Variants in WDR59 observed in about 807,000 individuals in gnomAD.
WDR59 encodes the protein GATOR2 complex protein WDR59.
A neutral mutation model predicts 131.2 loss-of-function variants in WDR59; 100 were observed. That is an observed-to-expected ratio of 0.76 (90% CI 0.65 to 0.90). WDR59 has a LOEUF of 0.90. Ranked by LOEUF, WDR59 falls within the 40% of genes least tolerant of loss-of-function variation. WDR59 has a pLI of 0.00. For synonymous variants in WDR59, 601 were observed against 466.2 expected, an observed-to-expected ratio of 1.29 and a Z score of -3.72; for missense variants, 1,203 against 1,262.2, an observed-to-expected ratio of 0.95 and a Z score of 0.71.
chr16:74,911,394 T>A lies in WDR59; in HGVS notation c.1389+804A>T, dbSNP rs763289095. Among the ~76,000 whole-genome samples, 3 of 152,194 alleles carry A rather than the reference T, an allele frequency of 2.0e-5. No homozygotes were observed. The East Asian group carries it at 5.8e-4, about 29-fold the overall frequency. ...CCCCCAACAAGGTGGAACAATCAAG[T>A]GTCCACGACCCAAACTGGACAAAAA... On this transcript the variant is annotated intron_variant, in intron 14 of 25. Coordinates refer to ENST00000262144, the MANE Select transcript of WDR59 (RefSeq NM_030581.4).
At chr16:74,958,620 A>AAAAAAAAAAAAAAAAAC (rs1199806175) in intron 2 of WDR59, among the ~76,000 whole-genome samples, 1 of 141,048 alleles carries the variant, frequency 7.1e-6, no homozygotes, top group African/African-American at 2.6e-5. Flanking sequence ...AAAAAAAAAA[A>AAAAAAAAAAAAAAAAAC]CAAGCTAAAT....
At chr16:74,975,056 T>C (rs756275524) in intron 1 of WDR59, among the ~76,000 whole-genome samples, 1 of 152,186 alleles carries the variant, frequency 6.6e-6, no homozygotes, top group African/African-American at 2.4e-5. Flanking sequence ...ACTACTATCC[T>C]TGTTTTATGA....
chr16:74,969,461 C>A (rs184160084), intron 1 of WDR59, among the ~76,000 whole-genome samples: 17 of 152,006 alleles, frequency 1.1e-4, no homozygotes, highest in Admixed American at 3.3e-4. Context: ...TTAGTAGAGA[C>A]GGGGTTTCAC....
chr16:74,919,914 T>C (rs946168218), intron 10 of WDR59, among the ~76,000 whole-genome samples: 3 of 151,844 alleles, frequency 2.0e-5, no homozygotes, highest in Non-Finnish European at 4.4e-5. Flanking sequence ...TCTACAAAAA[T>C]ACAAAAAATT....
At chr16:74,960,228 G>A (rs1243182890) in intron 2 of WDR59, among the ~76,000 whole-genome samples, 1 of 151,986 alleles carries the variant, frequency 6.6e-6, no homozygotes, top group South Asian at 2.1e-4. Context: ...TTACTTGGGA[G>A]GCTGAGGCAG....
intron 2 of WDR59, among the ~76,000 whole-genome samples, chr16:74,957,082 T>C (rs1309652170): frequency 2.0e-5 from 1 of 49,556 alleles, no homozygotes; most frequent in Non-Finnish European, 4.1e-5. Context: ...TTTTTTTTTC[T>C]TTTTTTTTTT....
chr16:74,940,887 G>A (rs998263309), intron 7 of WDR59, among the ~76,000 whole-genome samples: 1 of 151,958 alleles, frequency 6.6e-6, no homozygotes, highest in Non-Finnish European at 1.5e-5. Context: ...TGTATTTTTA[G>A]TACAGACGGG....
intron 18 of WDR59, chr16:74,899,732 C>T (rs1185873761): frequency 3.1e-6 from 4 of 1,289,082 alleles, no homozygotes; most frequent in Non-Finnish European, 3.0e-6. Context: ...GGACCAACGC[C>T]GCCGGGCAGA....
At chr16:74,937,935 A>G (rs564513488) in intron 8 of WDR59, among the ~76,000 whole-genome samples, 120 of 152,348 alleles carry the variant, frequency 7.9e-4, no homozygotes, top group African/African-American at 2.6e-3. Flanking sequence ...TCATAACACA[A>G]TGTGGTTATG....
intron 6 of WDR59, among the ~76,000 whole-genome samples, chr16:74,946,073 C>T (rs1188524244): frequency 2.0e-5 from 3 of 152,114 alleles, no homozygotes; most frequent in African/African-American, 7.2e-5. Context: ...CTCAGCCTCC[C>T]AAAGTGCTGG....
chr16:74,937,860 G>A (rs559389860), intron 8 of WDR59, among the ~76,000 whole-genome samples: 3 of 152,270 alleles, frequency 2.0e-5, no homozygotes, highest in South Asian at 4.1e-4. Flanking sequence ...AGGGAAAGAC[G>A]AAAACCTTCT....
At chr16:74,940,806 A>C (rs1338353678) in intron 7 of WDR59, among the ~76,000 whole-genome samples, 2 of 151,992 alleles carry the variant, frequency 1.3e-5, no homozygotes, top group Non-Finnish European at 2.9e-5. Flanking sequence ...CCCGGGTTCA[A>C]GCGATTCTCC....
At chr16:74,942,370 T>C (rs2032300724) in intron 7 of WDR59, among the ~76,000 whole-genome samples, 1 of 152,150 alleles carries the variant, frequency 6.6e-6, no homozygotes, top group Non-Finnish European at 1.5e-5. Flanking sequence ...AGAAGCCTGC[T>C]GACAATTCTA....
intron 2 of WDR59, among the ~76,000 whole-genome samples, chr16:74,963,417 G>A (rs1567436288): frequency 2.0e-5 from 3 of 152,164 alleles, no homozygotes; most frequent in South Asian, 4.1e-4. Context: ...CTATAAAAAG[G>A]AAAGAGATCA....
At chr16:74,958,784 C>T (rs943395025) in intron 2 of WDR59, among the ~76,000 whole-genome samples, 1 of 151,698 alleles carries the variant, frequency 6.6e-6, no homozygotes, top group Non-Finnish European at 1.5e-5. Context: ...CTAAGGAGGC[C>T]GGGCACAGTG....
chr16:74,903,590 C>A (rs1446496084), intron 18 of WDR59, among the ~76,000 whole-genome samples: 1 of 152,066 alleles, frequency 6.6e-6, no homozygotes, highest in Non-Finnish European at 1.5e-5. Context: ...AGAGGCATTC[C>A]TTAATTTGCT....
In WDR59 at chr16:74,880,525, A is replaced by T. The variant is rs115216006; in HGVS notation, c.2689+5128T>A. ...TATGAAGGGGAGGAGATGGCTTCAT[A>T]TGTGGACATGAAGCCCACAAGTCCT... On this transcript the variant is annotated intron_variant, in intron 25 of 25. Coordinates refer to ENST00000262144, the MANE Select transcript of WDR59 (RefSeq NM_030581.4). 5.0e-3 allele frequency among the ~76,000 whole-genome samples: 767 copies of T among 152,326 alleles called. 9 individuals are homozygous for T. The highest frequency in any genetic ancestry group is 0.018 in the African/African-American group (742 of 41,556).
At chr16:74,911,092 G>A (rs1415460254) in intron 14 of WDR59, among the ~76,000 whole-genome samples, 1 of 152,170 alleles carries the variant, frequency 6.6e-6, no homozygotes, top group African/African-American at 2.4e-5. Context: ...TTGAACTCCT[G>A]ACCTCAGGTG....
chr16:74,882,499 G>C (rs947226939), intron 25 of WDR59, among the ~76,000 whole-genome samples: 1 of 152,268 alleles, frequency 6.6e-6, no homozygotes, highest in East Asian at 1.9e-4. Flanking sequence ...CTGGGAGGCC[G>C]AGGCAGGCAC....
Sources: allele counts gnomAD v4.1 joint callset (sites outside exome capture counted in the v4.1 genomes callset), GRCh38; gene constraint gnomAD v4.1.1; transcripts MANE v1.5; gene names NCBI Gene and HGNC (gene_info 2026-07-23, HGNC 2026-07-21).